Variants in RBPJ observed in about 807,000 individuals in gnomAD.
The protein encoded by RBPJ is recombining binding protein suppressor of hairless.
Under a neutral mutation model 67.8 loss-of-function variants are expected in RBPJ, and 9 were observed. The ratio of observed to expected loss-of-function variants is 0.13; its 90% CI spans 0.08 to 0.23. RBPJ has a LOEUF of 0.23. Ranked by LOEUF, RBPJ falls within the 10% of genes least tolerant of loss-of-function variation. The probability of loss-of-function intolerance (pLI) is 1.00; values close to 1 mark genes in which losing one functional copy is unlikely to be tolerated. For missense variants in RBPJ, 305 were observed against 595.6 expected, an observed-to-expected ratio of 0.51 and a Z score of 5.08; for synonymous variants, 198 against 203.3, an observed-to-expected ratio of 0.97 and a Z score of 0.22.
chr4:26,183,871 G>A (rs550503624), intron 1 of RBPJ, among the ~76,000 whole-genome samples: 8 of 152,216 alleles, frequency 5.3e-5, no homozygotes, highest in Admixed American at 2.0e-4. Context: ...AATTAGCCAA[G>A]CACGGAGGCA....
chr4:26,218,197 G>C (rs1448767941), intron 1 of RBPJ, among the ~76,000 whole-genome samples: 1 of 152,166 alleles, frequency 6.6e-6, no homozygotes, highest in Non-Finnish European at 1.5e-5. Flanking sequence ...AGGCAATCAG[G>C]GTGCCGTTAT....
intron 1 of RBPJ, among the ~76,000 whole-genome samples, chr4:26,170,314 G>A (rs1006967196): frequency 6.6e-6 from 1 of 152,146 alleles, no homozygotes; most frequent in Non-Finnish European, 1.5e-5. Flanking sequence ...GCCGAGGCGG[G>A]TGGATTGCTT....
intron 3 of RBPJ, among the ~76,000 whole-genome samples, chr4:26,407,818 G>A (rs1278347847): frequency 3.4e-5 from 5 of 148,508 alleles, no homozygotes; most frequent in Admixed American, 3.3e-4. Flanking sequence ...TGTTAAAAGA[G>A]AATTTTTAGG....
At chr4:26,319,802 T>G, upstream of RBPJ, 21 of 1,376,306 alleles carry the variant, frequency 1.5e-5, no homozygotes, top group Non-Finnish European at 2.1e-5. Flanking sequence ...TTCTCCGGGT[T>G]TTGGGGCTCC....
At chr4:26,125,908 A>G in the RBPJ span, among the ~76,000 whole-genome samples, 3 of 152,142 alleles carry the variant, frequency 2.0e-5, no homozygotes, top group Non-Finnish European at 4.4e-5. Flanking sequence ...CTGGAGAGGC[A>G]GCATAACAGC....
intron 1 of RBPJ, among the ~76,000 whole-genome samples, chr4:26,292,037 T>C (rs2109288481): frequency 6.6e-6 from 1 of 150,972 alleles, no homozygotes; most frequent in Admixed American, 6.6e-5. Context: ...AGTTAACACA[T>C]CCCTCACGTC....
At chr4:26,388,167 T>C (rs773428824) in intron 2 of RBPJ, among the ~76,000 whole-genome samples, 5 of 151,912 alleles carry the variant, frequency 3.3e-5, no homozygotes, top group Non-Finnish European at 7.4e-5. Flanking sequence ...TAAATTTTTT[T>C]TTGTTTTTTT....
At chr4:26,310,451 G>T (rs1318850243) in intron 1 of RBPJ, among the ~76,000 whole-genome samples, 1 of 152,210 alleles carries the variant, frequency 6.6e-6, no homozygotes, top group African/African-American at 2.4e-5. Context: ...CTTAGGCCCA[G>T]AGCCCCTGCA....
At chr4:26,304,706 A>G (rs1722177467) in intron 1 of RBPJ, among the ~76,000 whole-genome samples, 1 of 151,528 alleles carries the variant, frequency 6.6e-6, no homozygotes, top group Non-Finnish European at 1.5e-5. Flanking sequence ...TTTATTATTC[A>G]GTTTTAAGAA....
rs138083878 is a variant in RBPJ at position 26,202,074 on chromosome 4, C to G, written c.-167+38460C>G. On this transcript the variant is annotated intron_variant, in intron 1 of 4. Transcript: ENST00000512351. The stretch of plus-strand genomic sequence containing the variant: ...CCTTTTTCTGGCTGCTTCTTCTCAG[C>G]ACTTTGCTGATTCCTCCTTGTCTTC... Among the ~76,000 whole-genome samples, 3 of 152,306 alleles carry G rather than the reference C, an allele frequency of 2.0e-5. No individual in the cohort carries two copies. In the East Asian group the frequency reaches 5.8e-4, roughly 29 times the overall value.
the RBPJ span, among the ~76,000 whole-genome samples, chr4:26,109,452 CTCTCTCTCTATATA>C: frequency 3.3e-4 from 8 of 24,214 alleles, 2 homozygotes; most frequent in African/African-American, 7.8e-4. Context: ...CTCTCTCTCT[CTCTCTCTCTATATA>C]TATATATATA....
upstream of RBPJ, chr4:26,320,016 G>T: frequency 1.3e-6 from 1 of 758,908 alleles, no homozygotes; most frequent in Non-Finnish European, 2.2e-6. Flanking sequence ...AGCGTCCTCG[G>T]CTGTGCCAGG....
chr4:26,356,106 C>T (rs1469062629), intron 1 of RBPJ, among the ~76,000 whole-genome samples: 1 of 152,184 alleles, frequency 6.6e-6, no homozygotes, highest in Non-Finnish European at 1.5e-5. Flanking sequence ...TGTTGGTAAA[C>T]ATTCCTTTAA....
At chr4:26,131,099 A>G in the RBPJ span, among the ~76,000 whole-genome samples, 2 of 152,216 alleles carry the variant, frequency 1.3e-5, no homozygotes, top group African/African-American at 4.8e-5. Context: ...CAACATGCCA[A>G]CTGGCCTCAG....
At chr4:26,232,670 C>A (rs1052695672) in intron 1 of RBPJ, among the ~76,000 whole-genome samples, 1 of 152,148 alleles carries the variant, frequency 6.6e-6, no homozygotes, top group Non-Finnish European at 1.5e-5. Context: ...TAATAATAAT[C>A]ATTTACTGAG....
At chr4:26,142,943 G>A in the RBPJ span, among the ~76,000 whole-genome samples, 6 of 152,200 alleles carry the variant, frequency 3.9e-5, no homozygotes, top group South Asian at 4.2e-4. Flanking sequence ...CACCATGCCC[G>A]GCTAATTTTT....
chr4:26,312,986 A>G (rs1722486108), intron 1 of RBPJ, among the ~76,000 whole-genome samples: 1 of 152,194 alleles, frequency 6.6e-6, no homozygotes, highest in Non-Finnish European at 1.5e-5. Context: ...GCAGTGGTGC[A>G]ATCACAGCTC....
In RBPJ at chr4:26,295,245, AGT is replaced by A. The variant is rs71932374; in HGVS notation, c.-166-67177_-166-67176del. 8.4e-3 allele frequency among the ~76,000 whole-genome samples: 1,227 copies of A among 146,486 alleles called. 8 individuals are homozygous for A. Among genetic ancestry groups the A allele is most frequent in the African/African-American group, 0.02 (785 of 40,160 alleles). Reference sequence around the variant, plus strand: ...GTTGTCCAGGAAGAAAGGGTGCATCAGTGTGTGTGTGTGTGTGTGTGTGTGGG... The same window carrying A: ...GTTGTCCAGGAAGAAAGGGTGCATCAGTGTGTGTGTGTGTGTGTGTGTGGG... On this transcript the variant is annotated intron_variant, in intron 1 of 4. Coordinates refer to the RBPJ transcript ENST00000512351.
chr4:26,130,659 C>G, the RBPJ span, among the ~76,000 whole-genome samples: 2 of 152,192 alleles, frequency 1.3e-5, no homozygotes, highest in African/African-American at 2.4e-5. Context: ...GTTTCCTAAA[C>G]TTCAATGATC....
Sources: gnomAD v4.1 joint callset for allele counts (sites outside exome capture counted in the v4.1 genomes callset) on GRCh38, gnomAD v4.1.1 for gene constraint, MANE v1.5 for transcripts, NCBI Gene and HGNC (gene_info 2026-07-23, HGNC 2026-07-21) for gene names.